The following CPNE8 variants were observed in gnomAD, a reference collection of about 807,000 sequenced individuals.
The protein encoded by CPNE8 is copine 8.
Under a neutral mutation model 81.5 loss-of-function variants are expected in CPNE8, and 45 were observed. That is an observed-to-expected ratio of 0.55 (90% CI 0.44 to 0.71). The LOEUF (loss-of-function observed/expected upper bound fraction) is 0.71, where lower values mean the gene tolerates loss of function less well. Ranked by LOEUF, CPNE8 falls within the 30% of genes least tolerant of loss-of-function variation. The pLI, the probability that CPNE8 is intolerant of heterozygous loss-of-function variation, is 0.00. For synonymous variants in CPNE8, 252 were observed against 226.3 expected, an observed-to-expected ratio of 1.11 and a Z score of -1.02; for missense variants, 594 against 672.1, an observed-to-expected ratio of 0.88 and a Z score of 1.28.
intron 3 of CPNE8, among the ~76,000 whole-genome samples, chr12:38,869,072 T>G (rs1207226602): frequency 6.6e-6 from 1 of 152,208 alleles, no homozygotes; most frequent in Non-Finnish European, 1.5e-5. Context: ...TAGCATTATC[T>G]TCCTTGATGT....
At chr12:38,864,479 C>G (rs142187462) in intron 3 of CPNE8, among the ~76,000 whole-genome samples, 8 of 151,956 alleles carry the variant, frequency 5.3e-5, no homozygotes, top group Admixed American at 2.6e-4. Context: ...AAAAAAAAAA[C>G]TACAAAGCTC....
intron 6 of CPNE8, among the ~76,000 whole-genome samples, chr12:38,818,288 C>A (rs983266075): frequency 6.6e-6 from 1 of 152,060 alleles, no homozygotes; most frequent in Non-Finnish European, 1.5e-5. Context: ...CTCCCCTGGT[C>A]CCCCACCCCA....
chr12:38,705,809 A>G (rs1448174846), intron 13 of CPNE8, among the ~76,000 whole-genome samples: 2 of 151,952 alleles, frequency 1.3e-5, no homozygotes, highest in Non-Finnish European at 2.9e-5. Context: ...AAATTTCAAA[A>G]CTCTTGGAGG....
chr12:38,795,867 G>GGATAGACAGATAGATA (rs1942451997), intron 6 of CPNE8, among the ~76,000 whole-genome samples: 2 of 148,134 alleles, frequency 1.4e-5, no homozygotes, highest in East Asian at 2.0e-4. Flanking sequence ...ATGGATGGAT[G>GGATAGACAGATAGATA]GATAGATAGA....
chr12:38,840,238 T>C (rs1192040087), intron 4 of CPNE8, among the ~76,000 whole-genome samples: 2 of 152,292 alleles, frequency 1.3e-5, no homozygotes, highest in South Asian at 2.1e-4. Flanking sequence ...CTCTTTTCTG[T>C]GCATAAGTTT....
At chr12:38,771,451 G>A (rs1417523401) in intron 7 of CPNE8, among the ~76,000 whole-genome samples, 1 of 151,984 alleles carries the variant, frequency 6.6e-6, no homozygotes, top group African/African-American at 2.4e-5. Context: ...GGGCAATAGA[G>A]TGAGACCCCG....
intron 6 of CPNE8, among the ~76,000 whole-genome samples, chr12:38,797,697 G>A (rs144149970): frequency 0.013 from 1,955 of 152,288 alleles, 51 homozygotes; most frequent in African/African-American, 0.044. Context: ...AAGCTGGACG[G>A]AGAATGACTT....
In CPNE8 at chr12:38,883,783, A is replaced by G. The variant is rs572964801; in HGVS notation, c.99-9272T>C. On this transcript the variant is annotated intron_variant, in intron 1 of 19. Coordinates refer to ENST00000331366, the MANE Select transcript of CPNE8 (RefSeq NM_153634.3). ...TCACACAGTGTACTCCATCAGTTTA[A>G]TCAACTTCCAGCTCCCTGTCCTTTC... 2.6e-5 allele frequency among the ~76,000 whole-genome samples: 4 copies of G among 152,338 alleles called. No homozygotes were observed. In the South Asian group the frequency reaches 8.3e-4, roughly 32 times the overall value.
chr12:38,716,255 C>T (rs928762710), intron 13 of CPNE8, among the ~76,000 whole-genome samples: 3 of 151,996 alleles, frequency 2.0e-5, no homozygotes, highest in African/African-American at 7.2e-5. Flanking sequence ...ATGCAATTCC[C>T]ATCAATACCA....
chr12:38,729,422 A>T (rs932797157), intron 11 of CPNE8, among the ~76,000 whole-genome samples: 1 of 152,042 alleles, frequency 6.6e-6, no homozygotes. Context: ...AACATATTTT[A>T]TATCTGTCTC....
chr12:38,815,813 T>A (rs1943014578), intron 6 of CPNE8, among the ~76,000 whole-genome samples: 1 of 152,176 alleles, frequency 6.6e-6, no homozygotes, highest in South Asian at 2.1e-4. Flanking sequence ...ATTATCATGG[T>A]AAGGAATCAT....
chr12:38,906,078 G>A (rs1944567510), upstream of CPNE8: 8 of 986,486 alleles, frequency 8.1e-6, no homozygotes, highest in Non-Finnish European at 9.6e-6. Flanking sequence ...CTGGAGGTGG[G>A]GGCACCTCTG....
chr12:38,701,390 T>G (rs1939940141), intron 14 of CPNE8, among the ~76,000 whole-genome samples: 1 of 152,242 alleles, frequency 6.6e-6, no homozygotes, highest in Admixed American at 6.5e-5. Flanking sequence ...ATTTAATAAT[T>G]TCTTGCTTAT....
intron 6 of CPNE8, 100 bp from the exon 7 acceptor site, chr12:38,776,401 G>A: frequency 3.1e-6 from 1 of 323,088 alleles, no homozygotes; most frequent in Non-Finnish European, 5.4e-6. Flanking sequence ...CTCTAATAAA[G>A]AGCATATAAT....
chr12:38,904,470 G>T (rs113016420), intron 1 of CPNE8, among the ~76,000 whole-genome samples: 6,934 of 120,094 alleles, frequency 0.058, 144 homozygotes, highest in East Asian at 0.14. Flanking sequence ...GTTTTTTTTT[G>T]TTTTTTTTTT....
Position 38,825,488 on chromosome 12 carries a change from G to A in CPNE8, c.407+3891C>T, listed in dbSNP as rs528924392. On this transcript the variant is annotated intron_variant, in intron 6 of 19. Transcript: ENST00000331366. ...CTGAAGGGCTATCTTGGCATTATTCGCAGATAAAGCTTCCATGAAAACAGC... is the reference window on the plus strand; with the variant it reads ...CTGAAGGGCTATCTTGGCATTATTCACAGATAAAGCTTCCATGAAAACAGC... Among the ~76,000 whole-genome samples, 8 of 152,292 alleles carry A rather than the reference G, an allele frequency of 5.3e-5. No individual in the cohort carries two copies. The East Asian group carries it at 1.5e-3, about 29-fold the overall frequency.
At chr12:38,741,531 C>A (rs1941104517) in intron 10 of CPNE8, among the ~76,000 whole-genome samples, 1 of 152,112 alleles carries the variant, frequency 6.6e-6, no homozygotes. Context: ...AAAATTAATT[C>A]AAGATGGATT....
intron 13 of CPNE8, among the ~76,000 whole-genome samples, chr12:38,721,806 C>T (rs948809532): frequency 2.0e-5 from 3 of 152,208 alleles, no homozygotes; most frequent in Non-Finnish European, 2.9e-5. Flanking sequence ...CTGAATTCCC[C>T]GGTGCCAGCC....
In CPNE8 at chr12:38,738,429, G is replaced by C. The variant is rs1222844146; in HGVS notation, c.723-8071C>G. ...TCAAGTCCCAAAAGCATTTATCCCA[G>C]CTCCCACCAAATTTGCCTAGAAGAT... On this transcript the variant is annotated intron_variant, in intron 10 of 19. Coordinates refer to ENST00000331366, the MANE Select transcript of CPNE8 (RefSeq NM_153634.3). 5.3e-5 allele frequency among the ~76,000 whole-genome samples: 8 copies of C among 152,102 alleles called. No individual in the cohort carries two copies. The East Asian group carries it at 1.5e-3, about 29-fold the overall frequency.
Sources: allele counts gnomAD v4.1 joint callset (sites outside exome capture counted in the v4.1 genomes callset), GRCh38; gene constraint gnomAD v4.1.1; transcripts MANE v1.5; gene names NCBI Gene and HGNC (gene_info 2026-07-23, HGNC 2026-07-21).